MED13L: variants seen among roughly 807,000 people sequenced by gnomAD.
MED13L encodes the protein mediator of RNA polymerase II transcription subunit 13-like.
Under a neutral mutation model 220.9 loss-of-function variants are expected in MED13L, and 7 were observed. The observed-to-expected ratio is 0.03, with a 90% confidence interval of 0.02 to 0.06. The LOEUF is 0.06. Among genes scored for constraint, MED13L ranks in the 10% least tolerant of loss-of-function variants. The probability of loss-of-function intolerance (pLI) is 1.00; values close to 1 mark genes in which losing one functional copy is unlikely to be tolerated. For synonymous variants in MED13L, 1,011 were observed against 1,015.2 expected (o/e 1.00, Z 0.08); for missense variants, 1,965 against 2,760.5 (o/e 0.71, Z 6.46).
At chr12:116,111,650 A>C (rs995879060) in intron 2 of MED13L, 138 bp from the exon 3 acceptor site, 3 of 689,404 alleles carry the variant, frequency 4.4e-6, no homozygotes, top group Admixed American at 5.6e-5. Flanking sequence ...GCTGAAACAG[A>C]GAGTGGAATT....
intron 12 of MED13L, 150 bp downstream of exon 12, chr12:116,006,156 G>A: frequency 8.0e-7 from 1 of 1,252,068 alleles, no homozygotes; most frequent in Non-Finnish European, 1.1e-6. Context: ...TATCAGTTTT[G>A]AAAGGAACTG....
Position 116,132,279 on chromosome 12 carries a change from CAAAAAAA to C in MED13L, c.311-20774_311-20768del, listed in dbSNP as rs1005783459. On this transcript the variant is annotated intron_variant, in intron 2 of 30. Coordinates refer to ENST00000281928, the MANE Select transcript of MED13L (RefSeq NM_015335.5). ...TGGGCAAGAGAGCAATACTTCGTCTCAAAAAAAAAAAAAAAAAAAAAATCAGTACCAA... is the reference window on the plus strand; with the variant it reads ...TGGGCAAGAGAGCAATACTTCGTCTCAAAAAAAAAAAAAAATCAGTACCAA... Among the ~76,000 whole-genome samples the C allele has an allele frequency of 4.5e-3, 350 of 77,430 alleles. 2 individuals are homozygous for C. The highest frequency in any genetic ancestry group is 0.015 in the African/African-American group (317 of 21,420). 50.8% of individuals were successfully genotyped at this position (77,430 alleles called of 152,430 possible).
intron 2 of MED13L, among the ~76,000 whole-genome samples, chr12:116,166,599 TAAAC>T (rs758576771): frequency 1.8e-4 from 28 of 152,146 alleles, no homozygotes; most frequent in Admixed American, 6.5e-4. Context: ...AATAAATAAA[TAAAC>T]AAACCATTTT....
At chr12:116,250,046 A>AAAAAAAAAAC in intron 1 of MED13L, among the ~76,000 whole-genome samples, 1 of 149,718 alleles carries the variant, frequency 6.7e-6, no homozygotes, top group African/African-American at 2.4e-5. Context: ...AAAAAAAAAA[A>AAAAAAAAAAC]AAACACACCA....
At chr12:116,123,392 T>TA (rs1875262003) in intron 2 of MED13L, among the ~76,000 whole-genome samples, 1 of 152,192 alleles carries the variant, frequency 6.6e-6, no homozygotes, top group South Asian at 2.1e-4. Context: ...AGTTAGAACA[T>TA]ATACATTTAA....
chr12:116,004,872 C>T (rs563584550), intron 13 of MED13L, among the ~76,000 whole-genome samples: 6 of 152,268 alleles, frequency 3.9e-5, no homozygotes, highest in Admixed American at 2.0e-4. Context: ...AACTTTCAAG[C>T]CTTAACTTAA....
intron 1 of MED13L, among the ~76,000 whole-genome samples, chr12:116,247,578 T>C (rs190980682): frequency 2.0e-5 from 3 of 152,224 alleles, no homozygotes; most frequent in Non-Finnish European, 4.4e-5. Context: ...CCTGTGTAGA[T>C]GGGCTGCTGA....
intron 2 of MED13L, among the ~76,000 whole-genome samples, chr12:116,186,134 C>A (rs1880886336): frequency 6.6e-6 from 1 of 152,220 alleles, no homozygotes; most frequent in Non-Finnish European, 1.5e-5. Flanking sequence ...CTCCTCAAAG[C>A]CTTCTCATTT....
chr12:116,176,870 C>G (rs1235928470), intron 2 of MED13L, among the ~76,000 whole-genome samples: 1 of 115,890 alleles, frequency 8.6e-6, no homozygotes, highest in African/African-American at 3.3e-5. Context: ...GAATCGAGAA[C>G]TCAGCCAAAA....
intron 4 of MED13L, among the ~76,000 whole-genome samples, chr12:116,046,829 C>T (rs1340054313): frequency 7.2e-5 from 11 of 152,064 alleles, no homozygotes; most frequent in African/African-American, 2.2e-4. Context: ...AAAAATTAGT[C>T]GGGCATGGTG....
At chr12:116,182,569 T>C (rs1880603884) in intron 2 of MED13L, among the ~76,000 whole-genome samples, 1 of 152,210 alleles carries the variant, frequency 6.6e-6, no homozygotes, top group Non-Finnish European at 1.5e-5. Context: ...TTCTGTACTG[T>C]TTCCCATTTG....
chr12:116,232,068 A>T lies in MED13L; in HGVS notation c.310+5400T>A, dbSNP rs536543502. The T allele has an allele frequency of 7.1e-6, 7 of 984,698 alleles. No homozygotes were observed. The South Asian group carries it at 1.9e-4, about 26-fold the overall frequency. The allele number at this position is 984,698 out of a possible 1,614,324, so 61.0% of individuals were successfully genotyped here. On this transcript the variant is annotated intron_variant, in intron 2 of 30. Coordinates refer to ENST00000281928, the MANE Select transcript of MED13L (RefSeq NM_015335.5). ...TCTTAAATTATCTTACACCGTGGTC[A>T]CTGTCAGAAAACAGATCCATTTTTC...
intron 2 of MED13L, among the ~76,000 whole-genome samples, chr12:116,234,863 A>AT (rs1869922158): frequency 6.6e-6 from 1 of 151,724 alleles, no homozygotes; most frequent in South Asian, 2.1e-4. Flanking sequence ...GGGTTTCACC[A>AT]TATTGGTCAG....
At chr12:116,020,054 T>A in intron 5 of MED13L, 82 bp from the exon 6 acceptor site, 7 of 1,208,368 alleles carry the variant, frequency 5.8e-6, no homozygotes, top group Non-Finnish European at 7.3e-6. Flanking sequence ...GTGGTAATTT[T>A]AGGTTACAGT....
intron 2 of MED13L, among the ~76,000 whole-genome samples, chr12:116,183,044 T>C (rs528568867): frequency 6.6e-6 from 1 of 152,198 alleles, no homozygotes; most frequent in Admixed American, 6.5e-5. Context: ...CTTAAGAGTT[T>C]ACAAATTTGA....
chr12:116,249,816 G>T (rs2138512590), intron 1 of MED13L, among the ~76,000 whole-genome samples: 1 of 125,536 alleles, frequency 8.0e-6, no homozygotes, highest in South Asian at 2.8e-4. Flanking sequence ...CAAATAATTT[G>T]TAAAACAAAA....
rs757232084 is a variant in MED13L, at chr12:116,009,084, T to C, written c.1329A>G (p.Thr443=). ...RCAVGPNRPP[T]VSQPGFSAGP... is the part of the protein sequence containing the mutation. ...CTGCACTGAACCCTGGTTGAGATAC[T>C]GTGGGAGGTCGATTGGGCCCGACTG... The change falls in exon 10 of 31, where the codon ACA becomes ACG. Residue 443 remains threonine (T), a synonymous_variant. Transcript: ENST00000281928. The C allele has an allele frequency of 6.2e-7, 1 of 1,614,144 alleles. No homozygotes were observed. Among genetic ancestry groups the C allele is most frequent in the South Asian group, 1.1e-5 (1 of 91,078 alleles).
chr12:116,097,476 A>C (rs879833308), intron 3 of MED13L, among the ~76,000 whole-genome samples: 1 of 151,952 alleles, frequency 6.6e-6, no homozygotes, highest in Admixed American at 6.6e-5. Context: ...TGGCTTTTTA[A>C]ATTTTTATTT....
chr12:116,120,315 T>G (rs1874932727), intron 2 of MED13L, among the ~76,000 whole-genome samples: 1 of 152,174 alleles, frequency 6.6e-6, no homozygotes, highest in South Asian at 2.1e-4. Context: ...ATGTTAACAC[T>G]GAAGTTAAAT....
Sources: gnomAD v4.1 joint callset for allele counts (sites outside exome capture counted in the v4.1 genomes callset) on GRCh38, gnomAD v4.1.1 for gene constraint, MANE v1.5 for transcripts, NCBI Gene and HGNC (gene_info 2026-07-23, HGNC 2026-07-21) for gene names.